GABBR2: variants seen among roughly 807,000 people sequenced by gnomAD.
GABBR2 encodes G-protein coupled receptor 51.
In GABBR2, 23 loss-of-function variants were observed where a neutral mutation model predicts 105.6. That is an observed-to-expected ratio of 0.22 (90% CI 0.16 to 0.31). The LOEUF (loss-of-function observed/expected upper bound fraction) is 0.31. GABBR2 is among the 10% of genes least tolerant of loss of function. The pLI is 1.00. For missense variants in GABBR2, 734 were observed against 1,245.5 expected, an observed-to-expected ratio of 0.59 and a Z score of 6.18; for synonymous variants, 478 against 499.7, an observed-to-expected ratio of 0.96 and a Z score of 0.58.
intron 1 of GABBR2, among the ~76,000 whole-genome samples, chr9:98,664,100 G>T (rs1830303435): frequency 6.6e-6 from 1 of 152,162 alleles, no homozygotes; most frequent in South Asian, 2.1e-4. Context: ...CTGGGCGTCG[G>T]CAGGATCCCC....
chr9:98,647,752 C>T (rs1181920117), intron 1 of GABBR2, among the ~76,000 whole-genome samples: 3 of 152,088 alleles, frequency 2.0e-5, no homozygotes, highest in Admixed American at 2.0e-4. Context: ...CTCTCTGATC[C>T]CATCTTTTGT....
At position 98,446,032 on chromosome 9, in the gene GABBR2, A is replaced by T. The variant is rs192585130; in HGVS notation, c.1236+7949T>A. ...TTTCAAATCCCTAGAGTGAATGGCC[A>T]CAGGAGAGAACTCAAGTGTTCTTGC... On this transcript the variant is annotated intron_variant, in intron 7 of 18. Transcript: ENST00000259455. Among the ~76,000 whole-genome samples the T allele has an allele frequency of 2.3e-3, 346 of 152,360 alleles. 3 individuals carry two copies. The highest frequency in any genetic ancestry group is 7.6e-3 in the African/African-American group (317 of 41,584).
intron 1 of GABBR2, among the ~76,000 whole-genome samples, chr9:98,584,278 A>C (rs1173343241): frequency 6.6e-6 from 1 of 152,232 alleles, no homozygotes; most frequent in Non-Finnish European, 1.5e-5. Flanking sequence ...TGACTGGCCT[A>C]GCCTCTGTCT....
chr9:98,574,507 C>G (rs746728179), intron 2 of GABBR2, among the ~76,000 whole-genome samples: 1 of 152,208 alleles, frequency 6.6e-6, no homozygotes, highest in Non-Finnish European at 1.5e-5. Flanking sequence ...GCCTTCAAAT[C>G]CTCCAGCTGG....
At chr9:98,567,979 A>G (rs1828774735) in intron 2 of GABBR2, among the ~76,000 whole-genome samples, 1 of 152,078 alleles carries the variant, frequency 6.6e-6, no homozygotes, top group Non-Finnish European at 1.5e-5. Context: ...ATGAATGAAT[A>G]AATATAGCAT....
chr9:98,605,524 G>A (rs1471536365), intron 1 of GABBR2, among the ~76,000 whole-genome samples: 1 of 152,206 alleles, frequency 6.6e-6, no homozygotes, highest in Admixed American at 6.5e-5. Flanking sequence ...GGCAATCACC[G>A]TGATTCCTCA....
chr9:98,692,349 GT>G (rs1434435816), intron 1 of GABBR2, among the ~76,000 whole-genome samples: 1 of 152,148 alleles, frequency 6.6e-6, no homozygotes, highest in Non-Finnish European at 1.5e-5. Flanking sequence ...ATGGATATTA[GT>G]CCACCCAACA....
At chr9:98,421,062 C>A (rs60868407) in intron 7 of GABBR2, among the ~76,000 whole-genome samples, 1 of 152,064 alleles carries the variant, frequency 6.6e-6, no homozygotes, top group African/African-American at 2.4e-5. Context: ...GAGAACAGAA[C>A]CATGGTTCCC....
chr9:98,360,661 C>T (rs191499238), intron 13 of GABBR2, among the ~76,000 whole-genome samples: 1 of 152,292 alleles, frequency 6.6e-6, no homozygotes, highest in East Asian at 1.9e-4. Flanking sequence ...TTGATAGCAG[C>T]AGTGCTTATT....
intron 1 of GABBR2, among the ~76,000 whole-genome samples, chr9:98,600,448 C>T (rs961712373): frequency 2.0e-5 from 3 of 152,196 alleles, no homozygotes; most frequent in Admixed American, 6.5e-5. Flanking sequence ...CCTGGACTGG[C>T]CATCTTCCCC....
chr9:98,621,830 T>G (rs1038649275), intron 1 of GABBR2, among the ~76,000 whole-genome samples: 49 of 152,336 alleles, frequency 3.2e-4, no homozygotes, highest in African/African-American at 1.2e-3. Flanking sequence ...TATCCGGTGC[T>G]GAAAGCCTCA....
intron 8 of GABBR2, among the ~76,000 whole-genome samples, chr9:98,401,692 C>T (rs1404992955): frequency 6.6e-6 from 1 of 152,144 alleles, no homozygotes; most frequent in East Asian, 1.9e-4. Flanking sequence ...AATTGCAGGC[C>T]TTGACAGAGG....
chr9:98,501,430 G>A (rs1481881917), intron 3 of GABBR2, among the ~76,000 whole-genome samples: 2 of 152,162 alleles, frequency 1.3e-5, no homozygotes, highest in Non-Finnish European at 2.9e-5. Flanking sequence ...CTCCCAAAGT[G>A]CTGCAATTAT....
At chr9:98,612,629 TC>T (rs1235034795) in intron 1 of GABBR2, among the ~76,000 whole-genome samples, 1 of 152,188 alleles carries the variant, frequency 6.6e-6, no homozygotes, top group East Asian at 1.9e-4. Flanking sequence ...TGAGGTCTCC[TC>T]CTCCTTGCTG....
intron 3 of GABBR2, among the ~76,000 whole-genome samples, chr9:98,506,367 C>T (rs374961835): frequency 2.1e-4 from 32 of 152,266 alleles, no homozygotes; most frequent in African/African-American, 7.5e-4. Context: ...ATAGTAGGTG[C>T]TCAGAATTGT....
intron 7 of GABBR2, among the ~76,000 whole-genome samples, chr9:98,407,296 C>T (rs1438391498): frequency 2.6e-5 from 4 of 152,146 alleles, no homozygotes; most frequent in Admixed American, 2.0e-4. Context: ...AGGCAGAAAC[C>T]TAAAGACTGA....
At chr9:98,429,179 G>A (rs1483117697) in intron 7 of GABBR2, among the ~76,000 whole-genome samples, 1 of 146,984 alleles carries the variant, frequency 6.8e-6, no homozygotes, top group Non-Finnish European at 1.5e-5. Context: ...TTGCTCCGCT[G>A]CCCAGGCTGG....
chr9:98,304,256 A>G (rs56220486), intron 15 of GABBR2: 39,220 of 152,876 alleles, frequency 0.26, 5,335 homozygotes, highest in South Asian at 0.4. Flanking sequence ...GGGAACTCCA[A>G]GGGAAGAACT....
intron 13 of GABBR2, among the ~76,000 whole-genome samples, chr9:98,322,876 G>A (rs987201204): frequency 1.1e-4 from 17 of 151,982 alleles, no homozygotes; most frequent in African/African-American, 3.9e-4. Flanking sequence ...ATCTGTGTTG[G>A]ACTCTTTCCT....
Sources: gnomAD v4.1 joint callset for allele counts (sites outside exome capture counted in the v4.1 genomes callset) on GRCh38, gnomAD v4.1.1 for gene constraint, MANE v1.5 for transcripts, NCBI Gene and HGNC (gene_info 2026-07-23, HGNC 2026-07-21) for gene names.